The following PRKG1 variants were observed in gnomAD, a reference collection of about 807,000 sequenced individuals.
PRKG1 encodes the protein cGMP-dependent protein kinase 1.
A neutral mutation model predicts 88.1 loss-of-function variants in PRKG1; 35 were observed. That is an observed-to-expected ratio of 0.40 (90% CI 0.30 to 0.53). PRKG1 has a LOEUF of 0.53. PRKG1 is among the 20% of genes least tolerant of loss of function. PRKG1 has a pLI of 0.59. For synonymous variants in PRKG1, 303 were observed against 292.5 expected, an observed-to-expected ratio of 1.04 and a Z score of -0.37; for missense variants, 540 against 839.8, an observed-to-expected ratio of 0.64 and a Z score of 4.41.
At chr10:51,768,091 C>T (rs1234986469) in intron 3 of PRKG1, among the ~76,000 whole-genome samples, 2 of 151,648 alleles carry the variant, frequency 1.3e-5, no homozygotes, top group East Asian at 1.9e-4. Flanking sequence ...AAATTGAATC[C>T]AGGATTTACA....
chr10:51,374,974 GGA>G (rs140088990), intron 2 of PRKG1, among the ~76,000 whole-genome samples: 20 of 150,566 alleles, frequency 1.3e-4, no homozygotes, highest in African/African-American at 4.9e-4. Flanking sequence ...AAAGTCAGAA[GGA>G]GAGAGAGAGA....
intron 2 of PRKG1, among the ~76,000 whole-genome samples, chr10:51,176,428 A>G (rs6479991): frequency 0.5 from 76,053 of 151,776 alleles, 19,753 homozygotes; most frequent in African/African-American, 0.66. Context: ...TGAGCCAGGC[A>G]CCATGCTAGA....
At chr10:51,471,311 T>A (rs1840043049) in intron 3 of PRKG1, among the ~76,000 whole-genome samples, 1 of 151,896 alleles carries the variant, frequency 6.6e-6, no homozygotes, top group South Asian at 2.1e-4. Context: ...GTTTTCAGTA[T>A]TGTTTGATTT....
At chr10:51,351,379 C>T (rs781172672) in intron 2 of PRKG1, among the ~76,000 whole-genome samples, 13 of 152,066 alleles carry the variant, frequency 8.5e-5, no homozygotes, top group African/African-American at 2.7e-4. Context: ...TCACCAACAG[C>T]GTAAAAGTGT....
chr10:51,823,322 T>A (rs560250900), intron 4 of PRKG1, among the ~76,000 whole-genome samples: 70 of 152,258 alleles, frequency 4.6e-4, no homozygotes, highest in South Asian at 3.9e-3. Context: ...GGGGAAAAAT[T>A]TTAATGGAAC....
chr10:51,744,913 C>T (rs1191397894), intron 3 of PRKG1, among the ~76,000 whole-genome samples: 1 of 152,190 alleles, frequency 6.6e-6, no homozygotes, highest in African/African-American at 2.4e-5. Flanking sequence ...GCTCAAACCT[C>T]AGTCCAGCTA....
intron 2 of PRKG1, among the ~76,000 whole-genome samples, chr10:51,388,229 C>T (rs922535162): frequency 4.6e-5 from 7 of 152,140 alleles, no homozygotes; most frequent in African/African-American, 1.7e-4. Flanking sequence ...TTAAAGTGTT[C>T]CCTATAGCCA....
intron 3 of PRKG1, among the ~76,000 whole-genome samples, chr10:51,755,275 T>G (rs1051390022): frequency 1.3e-5 from 2 of 152,200 alleles, no homozygotes; most frequent in Admixed American, 6.5e-5. Context: ...GGCAAATCAA[T>G]GCTGATCAAT....
chr10:51,139,489 T>C (rs773633673), intron 1 of PRKG1, among the ~76,000 whole-genome samples: 2 of 152,126 alleles, frequency 1.3e-5, no homozygotes, highest in Non-Finnish European at 2.9e-5. Context: ...TATTTCTCAG[T>C]CTCCTTTGTG....
At chr10:52,133,736 A>T in intron 7 of PRKG1, 104 bp from the exon 8 acceptor site, 1 of 931,708 alleles carries the variant, frequency 1.1e-6, no homozygotes, top group Non-Finnish European at 1.6e-6. Flanking sequence ...TGGATAAATC[A>T]GAAGAGTTTA....
chr10:51,659,322 G>A (rs1286816938), intron 3 of PRKG1, among the ~76,000 whole-genome samples: 2 of 152,058 alleles, frequency 1.3e-5, no homozygotes, highest in Non-Finnish European at 2.9e-5. Context: ...TAATCATTGT[G>A]ATCTGGAACA....
intron 7 of PRKG1, among the ~76,000 whole-genome samples, chr10:52,107,507 A>G (rs914891328): frequency 4.6e-5 from 7 of 152,182 alleles, no homozygotes; most frequent in Non-Finnish European, 1.0e-4. Context: ...ACTTTGTTCA[A>G]CCTCCACAAT....
At position 51,500,252 on chromosome 10, in the gene PRKG1, G is replaced by T. The variant is rs576196310; in HGVS notation, c.592+32416G>T. 4.8e-3 allele frequency among the ~76,000 whole-genome samples: 734 copies of T among 152,274 alleles called. 4 individuals are homozygous for T. The highest frequency in any genetic ancestry group is 0.017 in the African/African-American group (708 of 41,556). ...TGAATGAAGATCGACATTTCTGGCT[G>T]TCCTTTCTGAATAATGTTTCCACTT... On this transcript the variant is annotated intron_variant, in intron 3 of 17. Coordinates refer to ENST00000373980, the MANE Select transcript of PRKG1 (RefSeq NM_006258.4).
At chr10:51,208,267 A>C (rs1255191725) in intron 2 of PRKG1, among the ~76,000 whole-genome samples, 2 of 152,224 alleles carry the variant, frequency 1.3e-5, no homozygotes, top group African/African-American at 2.4e-5. Flanking sequence ...TAAGAACAAA[A>C]TGTTAGCACA....
At chr10:51,755,806 A>G (rs766328103) in intron 3 of PRKG1, among the ~76,000 whole-genome samples, 20 of 152,212 alleles carry the variant, frequency 1.3e-4, no homozygotes, top group Non-Finnish European at 2.8e-4. Context: ...TGGTACTTAT[A>G]AATCTGACTA....
intron 10 of PRKG1, among the ~76,000 whole-genome samples, chr10:52,269,619 G>C (rs1841665226): frequency 6.6e-6 from 1 of 152,066 alleles, no homozygotes; most frequent in Non-Finnish European, 1.5e-5. Flanking sequence ...AACGACTAAA[G>C]AGGGGACAGC....
chr10:51,977,386 T>C (rs1843872716), intron 5 of PRKG1, among the ~76,000 whole-genome samples: 1 of 152,082 alleles, frequency 6.6e-6, no homozygotes, highest in Non-Finnish European at 1.5e-5. Context: ...GGGCATTAGA[T>C]TGATTCCATG....
chr10:51,917,180 G>A (rs556979768), intron 5 of PRKG1, among the ~76,000 whole-genome samples: 50 of 152,120 alleles, frequency 3.3e-4, no homozygotes, highest in African/African-American at 1.2e-3. Context: ...TTAGCCAGGT[G>A]TGGTGGCACA....
intron 3 of PRKG1, among the ~76,000 whole-genome samples, chr10:51,604,217 G>T (rs1589123818): frequency 6.6e-6 from 1 of 151,386 alleles, no homozygotes; most frequent in Non-Finnish European, 1.5e-5. Context: ...AAGAGCTGTG[G>T]TTCTCTCAGC....
Sources: gnomAD v4.1 joint callset for allele counts (sites outside exome capture counted in the v4.1 genomes callset) on GRCh38, gnomAD v4.1.1 for gene constraint, MANE v1.5 for transcripts, NCBI Gene and HGNC (gene_info 2026-07-23, HGNC 2026-07-21) for gene names.